DCBLD1: variants seen among roughly 807,000 people sequenced by gnomAD.
The protein encoded by DCBLD1 is discoidin, CUB and LCCL domain-containing protein 1.
In DCBLD1, 57 loss-of-function variants were observed where a neutral mutation model predicts 71.5. The ratio of observed to expected loss-of-function variants is 0.80; its 90% CI spans 0.64 to 0.99. The LOEUF is 0.99. Among genes scored for constraint, DCBLD1 ranks in the 50% least tolerant of loss-of-function variants. DCBLD1 has a pLI of 0.00. For missense variants in DCBLD1, 891 were observed against 923.5 expected, an observed-to-expected ratio of 0.96 and a Z score of 0.46; for synonymous variants, 380 against 363.8, an observed-to-expected ratio of 1.04 and a Z score of -0.51.
At chr6:117,537,395 C>G (rs540149817) in intron 7 of DCBLD1, among the ~76,000 whole-genome samples, 170 bp downstream of exon 7, 53 of 151,658 alleles carry the variant, frequency 3.5e-4, no homozygotes, top group Admixed American at 7.2e-4. Context: ...TTAGCCGGGC[C>G]TGGTGGGGGG....
At chr6:117,520,736 A>G (rs80140031) in intron 3 of DCBLD1, among the ~76,000 whole-genome samples, 3,955 of 152,290 alleles carry the variant, frequency 0.026, 78 homozygotes, top group East Asian at 0.052. Context: ...CCCATACCAA[A>G]TCTGCCTATG....
intron 14 of DCBLD1, among the ~76,000 whole-genome samples, chr6:117,555,271 TTCTC>T (rs778428157): frequency 6.6e-6 from 1 of 152,236 alleles, no homozygotes; most frequent in Non-Finnish European, 1.5e-5. Context: ...TTATGGGTAT[TTCTC>T]TCTTATTTCT....
At chr6:117,561,978 G>C (rs936341201) in intron 14 of DCBLD1, 1 of 207,118 alleles carries the variant, frequency 4.8e-6, no homozygotes, top group African/African-American at 2.3e-5. Context: ...TAAAAGCCTT[G>C]TAGGCTTTCT....
chr6:117,542,684 T>C (rs752940714), intron 11 of DCBLD1, among the ~76,000 whole-genome samples: 1 of 151,970 alleles, frequency 6.6e-6, no homozygotes, highest in Non-Finnish European at 1.5e-5. Context: ...ACTATTGTTA[T>C]GGTACAGGTC....
chr6:117,497,126 C>T (rs1035665362), intron 1 of DCBLD1, among the ~76,000 whole-genome samples: 10 of 152,020 alleles, frequency 6.6e-5, no homozygotes, highest in African/African-American at 1.2e-4. Context: ...ACCTGGGAGG[C>T]GGAGGTCAGT....
intron 2 of DCBLD1, among the ~76,000 whole-genome samples, chr6:117,504,695 G>A (rs542668214): frequency 6.6e-6 from 1 of 152,330 alleles, no homozygotes; most frequent in African/African-American, 2.4e-5. Context: ...TTTGTGCTTT[G>A]AGATGTGCTG....
intron 14 of DCBLD1, among the ~76,000 whole-genome samples, chr6:117,559,623 G>C (rs961643444): frequency 2.0e-5 from 3 of 152,184 alleles, no homozygotes; most frequent in Non-Finnish European, 2.9e-5. Flanking sequence ...GGTGATTATA[G>C]CTCTCAAATC....
At chr6:117,526,917 A>C (rs988675394) in intron 5 of DCBLD1, among the ~76,000 whole-genome samples, 1 of 152,190 alleles carries the variant, frequency 6.6e-6, no homozygotes, top group African/African-American at 2.4e-5. Flanking sequence ...AGGGTCTTAT[A>C]AAGGTGCAAC....
chr6:117,505,308 T>C (rs1303145171), intron 2 of DCBLD1, among the ~76,000 whole-genome samples: 3 of 152,190 alleles, frequency 2.0e-5, no homozygotes, highest in African/African-American at 4.8e-5. Flanking sequence ...TATTAACTTA[T>C]GGAGGCATTT....
At chr6:117,552,033 TC>T (rs1229387067), downstream of DCBLD1, among the ~76,000 whole-genome samples, 1 of 152,000 alleles carries the variant, frequency 6.6e-6, no homozygotes, top group Non-Finnish European at 1.5e-5. Context: ...GGCGGGAGGA[TC>T]ACTTGAGCCC....
chr6:117,562,308 G>A (rs1456619727), intron 14 of DCBLD1: 4 of 203,432 alleles, frequency 2.0e-5, no homozygotes, highest in Admixed American at 6.0e-5. Flanking sequence ...GAAAACTGCC[G>A]TTTGATTTGA....
chr6:117,521,492 T>C, intron 3 of DCBLD1, 33 bp from the exon 4 acceptor site: 1 of 1,529,936 alleles, frequency 6.5e-7, no homozygotes, highest in African/African-American at 1.4e-5. Flanking sequence ...TTTTATTCAT[T>C]CTATTAATTG....
Position 117,503,959 on chromosome 6 carries a change from C to A in DCBLD1, c.305C>A (p.Thr102Asn), listed in dbSNP as rs776317429. ...TGTGCTTCTGACTATCTTCTCTTCA[C>A]CAGCTCTTCAGATCAATATGGTAAG... The part of the protein sequence containing the change: ...QTCASDYLLF[T>N]SSSDQYGPYC... The change falls in exon 2 of 15, where the codon ACC (threonine) becomes AAC (asparagine). Residue 102 changes from threonine (T) to asparagine (N), a missense_variant. Physicochemically the swap from Thr to Asn is moderately conservative, Grantham distance 65 (BLOSUM62 0). Transcript: ENST00000338728. 3 of 1,614,004 alleles carry A rather than the reference C, an allele frequency of 1.9e-6. No homozygotes were observed. The South Asian group carries it at 3.3e-5, about 18-fold the overall frequency.
chr6:117,555,181 C>T (rs1161836290), intron 14 of DCBLD1, among the ~76,000 whole-genome samples: 3 of 152,148 alleles, frequency 2.0e-5, no homozygotes, highest in Non-Finnish European at 4.4e-5. Context: ...TGGTAAATTA[C>T]ATTTTCCTAG....
rs551922895 is a variant in DCBLD1, at chr6:117,561,888, A to AT, written c.1616-7732_1616-7731insT. 762 of 206,724 alleles carry AT rather than the reference A, an allele frequency of 3.7e-3. 1 individual carries two copies. The highest frequency in any genetic ancestry group is 0.011 in the Middle Eastern group (7 of 626). The allele number at this position is 206,724 out of a possible 1,614,324, so 12.8% of individuals were successfully genotyped here. A position where few individuals can be genotyped will look rare whatever the true frequency, so the allele number is the denominator to read the frequency against. On this transcript the variant is annotated intron_variant, in intron 14 of 14. Transcript: ENST00000296955. ...TAGATTTACCCTTGAACAAATATAT[A>AT]GTGTATCTGGGAAAGCCAAAAAAAA...
At position 117,537,196 on chromosome 6, in the gene DCBLD1, C is replaced by G. The variant is rs757444214; in HGVS notation, c.731C>G (p.Ser244Ter). 4 of 1,614,034 alleles carry G rather than the reference C, an allele frequency of 2.5e-6. No homozygotes were observed. In the South Asian group the frequency reaches 4.4e-5, roughly 18 times the overall value. The stretch of plus-strand genomic sequence containing the variant: ...CTTTATTGTTTCAGTGGTTCCCTGT[C>G]AGACAAGCGATTTCTGTTTACCTCC... ...NGVLSRDGSL[S>*]DKRFLFTSNG... is the part of the protein sequence containing the mutation. Residue 244 changes from serine to a stop codon, truncating the protein, a stop_gained, in exon 7 of 15, where the codon TCA (serine) becomes TGA (stop). Transcript: ENST00000338728. LOFTEE classifies it high-confidence loss of function.
At chr6:117,512,043 A>G (rs1778040707) in intron 2 of DCBLD1, among the ~76,000 whole-genome samples, 1 of 152,292 alleles carries the variant, frequency 6.6e-6, no homozygotes, top group South Asian at 2.1e-4. Flanking sequence ...GCTGTACTCT[A>G]GGTATTTTTT....
chr6:117,560,829 C>T (rs1176374018), intron 14 of DCBLD1: 1 of 213,904 alleles, frequency 4.7e-6, no homozygotes, highest in Non-Finnish European at 9.4e-6. Context: ...TGTATTTCTC[C>T]TTCTGTCCCC....
chr6:117,543,819 G>A (rs1355178847), intron 12 of DCBLD1, among the ~76,000 whole-genome samples: 1 of 152,110 alleles, frequency 6.6e-6, no homozygotes, highest in Admixed American at 6.5e-5. Flanking sequence ...GCTGCTTGGG[G>A]TATCACCAAG....
Sources: gnomAD v4.1 joint callset for allele counts (sites outside exome capture counted in the v4.1 genomes callset) on GRCh38, gnomAD v4.1.1 for gene constraint, MANE v1.5 for transcripts, NCBI Gene and HGNC (gene_info 2026-07-23, HGNC 2026-07-21) for gene names.